KCNK6: variants seen among roughly 807,000 people sequenced by gnomAD.
The protein encoded by KCNK6 is potassium two pore domain channel subfamily K member 6.
KCNK6 carries 20 observed loss-of-function variants against 21.9 expected under a neutral mutation model. The ratio of observed to expected loss-of-function variants is 0.91; its 90% CI spans 0.64 to 1.32. The LOEUF (loss-of-function observed/expected upper bound fraction) is 1.32. Ranked by LOEUF, KCNK6 falls within the 40% of genes most tolerant of loss-of-function variation. The pLI, the probability that KCNK6 is intolerant of heterozygous loss-of-function variation, is 0.00. For missense variants in KCNK6, 415 were observed against 433.1 expected, an observed-to-expected ratio of 0.96 and a Z score of 0.37; for synonymous variants, 210 against 218.0, an observed-to-expected ratio of 0.96 and a Z score of 0.32.
chr19:38,320,331 C>A (rs1233519182), intron 1 of KCNK6, 59 bp downstream of exon 1: 2 of 1,564,964 alleles, frequency 1.3e-6, no homozygotes, highest in South Asian at 1.1e-5. Context: ...TCATCCTTAA[C>A]CCCTGGGGAC....
In KCNK6 at chr19:38,320,115, T is replaced by C. The variant is rs1600419352; in HGVS notation, c.165T>C (p.Ala55=). 3 of 1,576,750 alleles carry C rather than the reference T, an allele frequency of 1.9e-6. No homozygotes were observed. The highest frequency in any genetic ancestry group is 1.7e-4 in the Middle Eastern group (1 of 5,762). The change falls in exon 1 of 3, where the codon GCT becomes GCC. Residue 55 remains alanine, a synonymous_variant. Coordinates refer to ENST00000263372, the MANE Select transcript of KCNK6 (RefSeq NM_004823.3). ...TGCTTCAGCGCAGCCCGTGTGTGGCTGCCCCCGCCCTGGACGCCTTCGTGG... is the reference window on the plus strand; with the variant it reads ...TGCTTCAGCGCAGCCCGTGTGTGGCCGCCCCCGCCCTGGACGCCTTCGTGG... ...AQLLQRSPCV[A]APALDAFVER... is the part of the protein sequence containing the mutation.
intron 1 of KCNK6, among the ~76,000 whole-genome samples, chr19:38,321,246 G>C (rs1969648602): frequency 6.6e-6 from 1 of 152,056 alleles, no homozygotes; most frequent in Non-Finnish European, 1.5e-5. Context: ...TGGGACTCCT[G>C]GCCCTCTGGA....
rs1322665474 is a variant in KCNK6, at chr19:38,329,072, T to A, written c.*1669T>A. ...GGTGAAACCCTGTCTCTACTAAAAA[T>A]ACAAAAAATTAGCCAGGCGAGGTGG... On this transcript the variant is annotated 3_prime_UTR_variant, in exon 3 of 3. Transcript: ENST00000263372. 6.6e-6 allele frequency: 1 copy of A among 151,040 alleles called. No individual in the cohort carries two copies. Among genetic ancestry groups the A allele is most frequent in the Admixed American group, 6.6e-5 (1 of 15,152 alleles). The allele number at this position is 151,040 out of a possible 1,614,324, so 9.4% of individuals were successfully genotyped here. A position where few individuals can be genotyped will look rare whatever the true frequency, so the allele number is the denominator to read the frequency against.
At chr19:38,323,137 G>A (rs1318156417) in intron 1 of KCNK6, among the ~76,000 whole-genome samples, 1 of 152,084 alleles carries the variant, frequency 6.6e-6, no homozygotes, top group Non-Finnish European at 1.5e-5. Flanking sequence ...AAAAAGAGTG[G>A]TGGATGAGGA....
intron 1 of KCNK6, chr19:38,325,476 C>A (rs760077102): frequency 4.1e-6 from 4 of 985,402 alleles, no homozygotes; most frequent in Non-Finnish European, 4.8e-6. Flanking sequence ...AGAGCCTGCA[C>A]CCTTCATTCT....
Position 38,319,899 on chromosome 19 carries a change from G to GGGGGCCACGTCAGC in KCNK6, c.-43_-30dup. The GGGGGCCACGTCAGC allele has an allele frequency of 7.3e-7, 1 of 1,362,118 alleles. No homozygotes were observed. Among genetic ancestry groups the GGGGGCCACGTCAGC allele is most frequent in the Non-Finnish European group, 9.4e-7 (1 of 1,065,102 alleles). The allele number at this position is 1,362,118 out of a possible 1,614,324, so 84.4% of individuals were successfully genotyped here. On this transcript the variant is annotated 5_prime_UTR_variant, in exon 1 of 3. Coordinates refer to ENST00000263372, the MANE Select transcript of KCNK6 (RefSeq NM_004823.3). ...ACTAGGTGCCAGACGGTCCGGAGGC[G>GGGGGCCACGTCAGC]GGGGCCACGTCAGCGGGGCCACCCA... is the stretch of plus-strand genomic sequence containing the variant.
chr19:38,329,272 CG>C lies in KCNK6; in HGVS notation c.*1873del, dbSNP rs1028566540. 1 of 151,410 alleles carries C rather than the reference CG, an allele frequency of 6.6e-6. No individual in the cohort carries two copies. The highest frequency in any genetic ancestry group is 1.5e-5 in the Non-Finnish European group (1 of 67,998). 9.4% of individuals were successfully genotyped at this position (151,410 alleles called of 1,614,324 possible). On this transcript the variant is annotated 3_prime_UTR_variant, in exon 3 of 3. Coordinates refer to ENST00000263372, the MANE Select transcript of KCNK6 (RefSeq NM_004823.3). ...AAAGAAAAGAAAAGAAGGAAAGAAG[CG>C]GGGCACAGTGGCTCAGTCCTGTAAT...
rs561771204 is a variant in KCNK6, at chr19:38,327,579, C to T, written c.*176C>T. ...GCTGGGATGTGAAGGGCAGCACTCC[C>T]TGTCCCCATGTCCCGGGCTCCACTG... On this transcript the variant is annotated 3_prime_UTR_variant, in exon 3 of 3. Transcript: ENST00000263372. 36 of 628,368 alleles carry T rather than the reference C, an allele frequency of 5.7e-5. No homozygotes were observed. In the African/African-American group the frequency reaches 5.9e-4, roughly 10 times the overall value. The allele number at this position is 628,368 out of a possible 1,614,324, so 38.9% of individuals were successfully genotyped here.
chr19:38,322,938 C>T (rs573806725), intron 1 of KCNK6, among the ~76,000 whole-genome samples: 14 of 152,014 alleles, frequency 9.2e-5, no homozygotes, highest in African/African-American at 3.1e-4. Flanking sequence ...CATGACGAAA[C>T]CCCATCTCTA....
chr19:38,322,506 G>T (rs1049348935), intron 1 of KCNK6, among the ~76,000 whole-genome samples: 1 of 152,208 alleles, frequency 6.6e-6, no homozygotes, highest in Non-Finnish European at 1.5e-5. Context: ...ACAGGCCAAG[G>T]ACTTAGATAT....
Position 38,327,758 on chromosome 19 carries a change from A to T in KCNK6, c.*355A>T. On this transcript the variant is annotated 3_prime_UTR_variant, in exon 3 of 3. Coordinates refer to ENST00000263372, the MANE Select transcript of KCNK6 (RefSeq NM_004823.3). ...TTCCGTCTGTGTCTCTCAATTAACC[A>T]CTCGTCAACTGCTGATTCTACTGGG... The T allele has an allele frequency of 3.8e-6, 1 of 266,088 alleles. No homozygotes were observed. The highest frequency in any genetic ancestry group is 7.3e-6 in the Non-Finnish European group (1 of 136,338). The allele number at this position is 266,088 out of a possible 1,614,324, so 16.5% of individuals were successfully genotyped here.
rs1473095212 is a variant in KCNK6, at chr19:38,328,614, AGGATCGCTTGAGGCCAG to A, written c.*1213_*1229del. The A allele has an allele frequency of 7.4e-6, 1 of 135,054 alleles. No individual in the cohort carries two copies. Among genetic ancestry groups the A allele is most frequent in the East Asian group, 3.7e-4 (1 of 2,724 alleles). 8.4% of individuals were successfully genotyped at this position (135,054 alleles called of 1,614,324 possible). ...CAGCACTTTGGAAGGCTGAGGAAGG[AGGATCGCTTGAGGCCAG>A]GAGTTTGAGACTAGCCTAGGCAACA... On this transcript the variant is annotated 3_prime_UTR_variant, in exon 3 of 3. Transcript: ENST00000263372.
At position 38,330,573 on chromosome 19, in the gene KCNK6, G is replaced by C. The variant is rs1227362784; in HGVS notation, c.*3170G>C. ...GAGCCTGGGAGGTCAAGGCTGCAGTGAGCTGTGATTGCATCACTGTACTCC... is the reference window on the plus strand; with the variant it reads ...GAGCCTGGGAGGTCAAGGCTGCAGTCAGCTGTGATTGCATCACTGTACTCC... On this transcript the variant is annotated 3_prime_UTR_variant, in exon 3 of 3. Coordinates refer to ENST00000263372, the MANE Select transcript of KCNK6 (RefSeq NM_004823.3). 6.7e-6 allele frequency: 1 copy of C among 150,312 alleles called. No individual in the cohort carries two copies. Among genetic ancestry groups the C allele is most frequent in the Non-Finnish European group, 1.5e-5 (1 of 67,912 alleles). 9.3% of individuals were successfully genotyped at this position (150,312 alleles called of 1,614,324 possible).
chr19:38,320,861 C>T (rs946000031), intron 1 of KCNK6, among the ~76,000 whole-genome samples: 7 of 152,122 alleles, frequency 4.6e-5, no homozygotes, highest in Non-Finnish European at 8.8e-5. Flanking sequence ...ACTGGGACTG[C>T]ATTCCCCGGT....
chr19:38,319,985 C>T lies in KCNK6; in HGVS notation c.35C>T (p.Ala12Val). The T allele has an allele frequency of 6.8e-7, 1 of 1,472,494 alleles. No homozygotes were observed. The highest frequency in any genetic ancestry group is 1.3e-5 in the South Asian group (1 of 75,836). 91.2% of individuals were successfully genotyped at this position (1,472,494 alleles called of 1,614,324 possible). A position where few individuals can be genotyped will look rare whatever the true frequency, so the allele number is the denominator to read the frequency against. ...RRGALLAGAL[A>V]AYAAYLVLGA... ...GGCGCGCTTCTGGCGGGCGCCTTGGCCGCGTACGCCGCGTACCTGGTGCTG... is the reference window on the plus strand; with the variant it reads ...GGCGCGCTTCTGGCGGGCGCCTTGGTCGCGTACGCCGCGTACCTGGTGCTG... The change falls in exon 1 of 3, where the codon GCC becomes GTC. Residue 12 changes from alanine (A) to valine (V), a missense_variant. Physicochemically the swap from Ala to Val is moderately conservative, Grantham distance 64. Coordinates refer to ENST00000263372, the MANE Select transcript of KCNK6 (RefSeq NM_004823.3).
chr19:38,326,815 C>A lies in KCNK6; in HGVS notation c.545C>A (p.Thr182Asn). ...HLVALLGVVV[T>N]VCFLVPAVIF... is the part of the protein sequence containing the mutation. ...GTGGCCCTGTTGGGGGTCGTAGTGA[C>A]CGTCTGCTTTCTGGTGCCGGCTGTG... Residue 182 changes from threonine to asparagine, a missense_variant, in exon 2 of 3, where the codon ACC becomes AAC. Transcript: ENST00000263372. 6.2e-7 allele frequency: 1 copy of A among 1,608,352 alleles called. No individual in the cohort carries two copies. Among genetic ancestry groups the A allele is most frequent in the African/African-American group, 1.3e-5 (1 of 75,074 alleles).
chr19:38,321,815 G>T (rs566212270), intron 1 of KCNK6, among the ~76,000 whole-genome samples: 19 of 152,334 alleles, frequency 1.2e-4, no homozygotes, highest in African/African-American at 4.6e-4. Context: ...TGGGTCATGT[G>T]CACGCCTCCT....
intron 1 of KCNK6, among the ~76,000 whole-genome samples, chr19:38,322,344 A>T (rs1969660244): frequency 6.6e-6 from 1 of 152,214 alleles, no homozygotes; most frequent in South Asian, 2.1e-4. Flanking sequence ...GGCCAGAGAG[A>T]CTGAACTCAA....
rs1044626361 is a variant in KCNK6 at position 38,330,073 on chromosome 19, G to C, written c.*2670G>C. The C allele has an allele frequency of 6.6e-6, 1 of 152,554 alleles. No homozygotes were observed. Among genetic ancestry groups the C allele is most frequent in the African/African-American group, 2.4e-5 (1 of 41,458 alleles). 9.5% of individuals were successfully genotyped at this position (152,554 alleles called of 1,614,324 possible). On this transcript the variant is annotated 3_prime_UTR_variant, in exon 3 of 3. Transcript: ENST00000263372. ...GGGGCAGGCCAGGTGGCTCACGCCT[G>C]TAATCCCAGCACTTTGTGAGGCCGA...
Sources: allele counts gnomAD v4.1 joint callset (sites outside exome capture counted in the v4.1 genomes callset), GRCh38; gene constraint gnomAD v4.1.1; transcripts MANE v1.5; gene names NCBI Gene and HGNC (gene_info 2026-07-23, HGNC 2026-07-21).